STXBP6: variants seen among roughly 807,000 people sequenced by gnomAD.
STXBP6 encodes syntaxin-binding protein 6.
STXBP6 carries 21 observed loss-of-function variants against 26.9 expected under a neutral mutation model. The observed-to-expected ratio is 0.78, with a 90% confidence interval of 0.55 to 1.12. The LOEUF (loss-of-function observed/expected upper bound fraction) is 1.12, where lower values mean the gene tolerates loss of function less well. Ranked by LOEUF, STXBP6 falls within the 50% of genes most tolerant of loss-of-function variation. The pLI is 0.00. For synonymous variants in STXBP6, 97 were observed against 92.6 expected (o/e 1.05, Z -0.27); for missense variants, 232 against 257.9 (o/e 0.90, Z 0.69).
intron 1 of STXBP6, among the ~76,000 whole-genome samples, chr14:24,976,918 A>AGTG (rs926730412): frequency 8.1e-6 from 1 of 123,716 alleles, no homozygotes; most frequent in Non-Finnish European, 1.6e-5. Context: ...GCTGGAGTGC[A>AGTG]GTGGTACAAT....
chr14:24,948,556 A>G (rs867618662), intron 2 of STXBP6, among the ~76,000 whole-genome samples: 1 of 152,138 alleles, frequency 6.6e-6, no homozygotes, highest in South Asian at 2.1e-4. Context: ...TGGGAAAACT[A>G]GGTGACAACT....
chr14:24,853,611 T>C (rs561595642), intron 4 of STXBP6, among the ~76,000 whole-genome samples: 19 of 152,210 alleles, frequency 1.2e-4, no homozygotes, highest in Middle Eastern at 3.4e-3. Flanking sequence ...TAGTCTAACC[T>C]CTACATGTGA....
chr14:24,845,442 T>G (rs2068930699), intron 4 of STXBP6, among the ~76,000 whole-genome samples: 1 of 152,170 alleles, frequency 6.6e-6, no homozygotes, highest in Non-Finnish European at 1.5e-5. Context: ...AGTAAGGAAC[T>G]TTTTGATATT....
intron 4 of STXBP6, among the ~76,000 whole-genome samples, chr14:24,835,040 C>T (rs1418273223): frequency 6.6e-6 from 1 of 152,188 alleles, no homozygotes; most frequent in Non-Finnish European, 1.5e-5. Context: ...GACCTCCTTA[C>T]AGTTAGATTG....
chr14:25,006,230 A>T (rs1156853468), intron 1 of STXBP6, among the ~76,000 whole-genome samples: 6 of 152,210 alleles, frequency 3.9e-5, no homozygotes, highest in African/African-American at 1.4e-4. Context: ...CTTTGCTGGA[A>T]TTCAGGCACG....
intron 1 of STXBP6, among the ~76,000 whole-genome samples, chr14:25,008,835 TA>T (rs1199160087): frequency 6.6e-6 from 1 of 152,214 alleles, no homozygotes; most frequent in Non-Finnish European, 1.5e-5. Flanking sequence ...CAGTAGCATC[TA>T]ACAACTCACA....
chr14:24,970,832 T>A (rs1051915490), intron 2 of STXBP6, among the ~76,000 whole-genome samples: 1 of 152,236 alleles, frequency 6.6e-6, no homozygotes, highest in Admixed American at 6.5e-5. Flanking sequence ...CAGCAAAGTA[T>A]GAGAGCTCAA....
intron 1 of STXBP6, among the ~76,000 whole-genome samples, chr14:25,011,448 T>C (rs2075028083): frequency 6.6e-6 from 1 of 152,202 alleles, no homozygotes; most frequent in African/African-American, 2.4e-5. Flanking sequence ...ACACTTCCTT[T>C]TCTCATGATA....
intron 2 of STXBP6, among the ~76,000 whole-genome samples, chr14:24,926,310 T>C (rs1422151751): frequency 6.6e-6 from 1 of 151,190 alleles, no homozygotes; most frequent in Non-Finnish European, 1.5e-5. Flanking sequence ...GTGGGACTAA[T>C]AGCGGAGAAT....
At chr14:24,917,336 C>T (rs891019177) in intron 2 of STXBP6, among the ~76,000 whole-genome samples, 13 of 151,982 alleles carry the variant, frequency 8.6e-5, no homozygotes, top group Admixed American at 5.3e-4. Flanking sequence ...GTATTGGCAA[C>T]GCACGTGGGG....
At chr14:24,898,474 C>T (rs2071082510) in intron 2 of STXBP6, among the ~76,000 whole-genome samples, 1 of 152,070 alleles carries the variant, frequency 6.6e-6, no homozygotes, top group Non-Finnish European at 1.5e-5. Context: ...GTCAGGAGTT[C>T]GAGACCAGCC....
intron 2 of STXBP6, chr14:24,878,734 T>C (rs538719544): frequency 3.4e-5 from 15 of 436,998 alleles, no homozygotes; most frequent in Non-Finnish European, 5.6e-5. Flanking sequence ...TGTTCAACCA[T>C]AACACACGTT....
chr14:24,834,089 G>A (rs1480046473), intron 4 of STXBP6, among the ~76,000 whole-genome samples: 1 of 152,002 alleles, frequency 6.6e-6, no homozygotes, highest in African/African-American at 2.4e-5. Context: ...TTGACCTACT[G>A]GGCTCAAGTG....
chr14:24,855,811 T>C (rs2069308375), intron 4 of STXBP6, 125 bp downstream of exon 4: 1 of 848,264 alleles, frequency 1.2e-6, no homozygotes, highest in South Asian at 2.1e-5. Context: ...TTATGTTGTC[T>C]AGCTCTGAGC....
At chr14:24,847,153 C>T (rs2068991679) in intron 4 of STXBP6, among the ~76,000 whole-genome samples, 1 of 152,182 alleles carries the variant, frequency 6.6e-6, no homozygotes, top group Admixed American at 6.5e-5. Flanking sequence ...ACTGGATTCA[C>T]TTATCCTTCT....
At chr14:24,924,287 A>C (rs923764661) in intron 2 of STXBP6, among the ~76,000 whole-genome samples, 2 of 152,160 alleles carry the variant, frequency 1.3e-5, no homozygotes, top group South Asian at 2.1e-4. Flanking sequence ...TTGCTGCATT[A>C]GCAGTTTGTA....
At chr14:24,948,332 C>G (rs1459858163) in intron 2 of STXBP6, among the ~76,000 whole-genome samples, 2 of 127,102 alleles carry the variant, frequency 1.6e-5, no homozygotes, top group Non-Finnish European at 3.4e-5. Context: ...TGACTTTATG[C>G]TCTTTATGGA....
chr14:24,824,430 T>C lies in STXBP6; in HGVS notation c.452-5236A>G, dbSNP rs78201573. On this transcript the variant is annotated intron_variant, in intron 4 of 5. Coordinates refer to ENST00000323944, the MANE Select transcript of STXBP6 (RefSeq NM_001394410.1). ...AATAATTTAAGTAATCATGACGATA[T>C]TAGCTTTTACTTCTATGAACAGAGT... Among the ~76,000 whole-genome samples, 1,127 of 152,342 alleles carry C rather than the reference T, an allele frequency of 7.4e-3. 18 individuals are homozygous for C. Among genetic ancestry groups the C allele is most frequent in the African/African-American group, 0.024 (1,008 of 41,572 alleles).
intron 1 of STXBP6, among the ~76,000 whole-genome samples, chr14:25,009,707 CA>C (rs1346965725): frequency 1.3e-5 from 2 of 152,152 alleles, no homozygotes; most frequent in Non-Finnish European, 2.9e-5. Flanking sequence ...TCAAAACACC[CA>C]CATGTAGCCT....
Sources: allele counts gnomAD v4.1 joint callset (sites outside exome capture counted in the v4.1 genomes callset), GRCh38; gene constraint gnomAD v4.1.1; transcripts MANE v1.5; gene names NCBI Gene and HGNC (gene_info 2026-07-23, HGNC 2026-07-21).